The following SHISA6 variants were observed in gnomAD, a reference collection of about 807,000 sequenced individuals.
The protein encoded by SHISA6 is shisa family member 6.
A neutral mutation model predicts 47.9 loss-of-function variants in SHISA6; 22 were observed. That is an observed-to-expected ratio of 0.46 (90% CI 0.33 to 0.66). SHISA6 has a LOEUF of 0.66. Among genes scored for constraint, SHISA6 ranks in the 30% least tolerant of loss-of-function variants. The probability of loss-of-function intolerance (pLI) is 0.02; values close to 1 mark genes in which losing one functional copy is unlikely to be tolerated. For synonymous variants in SHISA6, 388 were observed against 337.8 expected, an observed-to-expected ratio of 1.15 and a Z score of -1.63; for missense variants, 680 against 764.6, an observed-to-expected ratio of 0.89 and a Z score of 1.30.
At chr17:11,300,149 C>CAAAAAAAAAAAAAAAA (rs56060137) in intron 2 of SHISA6, among the ~76,000 whole-genome samples, 6 of 129,148 alleles carry the variant, frequency 4.6e-5, no homozygotes, top group Non-Finnish European at 6.4e-5. Context: ...CATCTTAAAA[C>CAAAAAAAAAAAAAAAA]AAAAAAAAAA....
At chr17:11,514,380 G>A (rs1466179909) in intron 3 of SHISA6, among the ~76,000 whole-genome samples, 1 of 152,180 alleles carries the variant, frequency 6.6e-6, no homozygotes, top group African/African-American at 2.4e-5. Flanking sequence ...GTTGGTGCCC[G>A]AGATAGCATG....
intron 3 of SHISA6, among the ~76,000 whole-genome samples, chr17:11,417,530 C>T (rs1406090910): frequency 6.6e-6 from 1 of 152,190 alleles, no homozygotes; most frequent in Non-Finnish European, 1.5e-5. Flanking sequence ...CAGCGCTGGC[C>T]TTTTGGAGAT....
At chr17:11,489,140 G>A (rs143982743) in intron 3 of SHISA6, among the ~76,000 whole-genome samples, 3 of 152,170 alleles carry the variant, frequency 2.0e-5, no homozygotes, top group African/African-American at 7.2e-5. Context: ...CTGGGTTACA[G>A]AGCCCTTATT....
intron 2 of SHISA6, among the ~76,000 whole-genome samples, chr17:11,316,510 T>C (rs2142192111): frequency 6.8e-6 from 1 of 147,840 alleles, no homozygotes; most frequent in East Asian, 2.1e-4. Flanking sequence ...AACCTCTACC[T>C]CCTGGGTTCA....
chr17:11,533,900 T>C (rs1189242509), intron 3 of SHISA6, among the ~76,000 whole-genome samples: 1 of 152,070 alleles, frequency 6.6e-6, no homozygotes, highest in Non-Finnish European at 1.5e-5. Flanking sequence ...CTCATTATTC[T>C]TACTCTATTA....
At chr17:11,530,147 ATCTTCC>A (rs2071719929) in intron 3 of SHISA6, among the ~76,000 whole-genome samples, 1 of 152,178 alleles carries the variant, frequency 6.6e-6, no homozygotes, top group Non-Finnish European at 1.5e-5. Flanking sequence ...GATTCTAGTA[ATCTTCC>A]TTAGGGAAAA....
chr17:11,558,612 G>A lies in SHISA6; in HGVS notation c.*308G>A, dbSNP rs188446410. On this transcript the variant is annotated 3_prime_UTR_variant, in exon 6 of 6. Transcript: ENST00000441885. Reference sequence around the variant, plus strand: ...CCTTCACCAACTCCCTTTCCGTCCCGCGCCTCCTTCTCCCCATCCGGGGGA... The same window carrying A: ...CCTTCACCAACTCCCTTTCCGTCCCACGCCTCCTTCTCCCCATCCGGGGGA... 30 of 410,114 alleles carry A rather than the reference G, an allele frequency of 7.3e-5. No homozygotes were observed. Among genetic ancestry groups the A allele is most frequent in the Admixed American group, 6.5e-4 (16 of 24,796 alleles). The allele number at this position is 410,114 out of a possible 1,614,324, so 25.4% of individuals were successfully genotyped here.
At chr17:11,503,502 A>G (rs556424103) in intron 3 of SHISA6, among the ~76,000 whole-genome samples, 13 of 152,146 alleles carry the variant, frequency 8.5e-5, no homozygotes, top group African/African-American at 2.9e-4. Flanking sequence ...ATGCTGTCCC[A>G]TTGTCCATAC....
rs1297048644 is a variant in SHISA6 at position 11,530,064 on chromosome 17, T to C, written c.896-21832T>C. ...TCAGGGTGAGGGGAAATGGGCACAG[T>C]ACTGTCAATCGGAATCAGAATTCTA... is the stretch of plus-strand genomic sequence containing the variant. On this transcript the variant is annotated intron_variant, in intron 3 of 5. Transcript: ENST00000441885. Among the ~76,000 whole-genome samples the C allele has an allele frequency of 2.0e-5, 3 of 152,112 alleles. No individual in the cohort carries two copies. In the East Asian group the frequency reaches 5.8e-4, roughly 29 times the overall value.
intron 1 of SHISA6, among the ~76,000 whole-genome samples, chr17:11,255,118 T>C (rs1468877017): frequency 6.6e-6 from 1 of 152,208 alleles, no homozygotes. Context: ...TACACCTGTA[T>C]TCTAGTGCCC....
chr17:11,368,945 G>T (rs564087638), intron 2 of SHISA6, among the ~76,000 whole-genome samples: 1 of 152,144 alleles, frequency 6.6e-6, no homozygotes, highest in Non-Finnish European at 1.5e-5. Flanking sequence ...ATGGGCCACC[G>T]AACCCGGCCG....
At chr17:11,399,175 G>C (rs1913680309) in intron 3 of SHISA6, among the ~76,000 whole-genome samples, 1 of 152,186 alleles carries the variant, frequency 6.6e-6, no homozygotes, top group African/African-American at 2.4e-5. Flanking sequence ...ACAACAGAAA[G>C]ATAGAGTAGG....
At chr17:11,441,287 G>A (rs921224421) in intron 3 of SHISA6, among the ~76,000 whole-genome samples, 4 of 152,194 alleles carry the variant, frequency 2.6e-5, no homozygotes, top group African/African-American at 4.8e-5. Context: ...CAATGGGAAG[G>A]TTTGAAAATA....
At chr17:11,542,377 C>T (rs1368288597) in intron 3 of SHISA6, among the ~76,000 whole-genome samples, 1 of 147,404 alleles carries the variant, frequency 6.8e-6, no homozygotes, top group Non-Finnish European at 1.5e-5. Flanking sequence ...CTACATACAG[C>T]AAAAATAATC....
intron 3 of SHISA6, among the ~76,000 whole-genome samples, chr17:11,468,694 T>C (rs1161219385): frequency 6.6e-6 from 1 of 152,172 alleles, no homozygotes; most frequent in African/African-American, 2.4e-5. Context: ...TGGATGATCC[T>C]GGGTGCAACG....
intron 2 of SHISA6, among the ~76,000 whole-genome samples, chr17:11,291,016 A>G (rs1909518646): frequency 6.6e-6 from 1 of 151,238 alleles, no homozygotes; most frequent in Non-Finnish European, 1.5e-5. Context: ...ATAATTTATT[A>G]ATAATTCAAT....
At chr17:11,475,041 T>G (rs1916021017) in intron 3 of SHISA6, among the ~76,000 whole-genome samples, 1 of 152,196 alleles carries the variant, frequency 6.6e-6, no homozygotes. Flanking sequence ...ATCACTCAGA[T>G]AAATCTTACA....
At chr17:11,470,880 G>A (rs921121774) in intron 3 of SHISA6, among the ~76,000 whole-genome samples, 3 of 152,152 alleles carry the variant, frequency 2.0e-5, no homozygotes, top group Non-Finnish European at 4.4e-5. Flanking sequence ...CCCAGGGTCT[G>A]ACAGTGATGG....
chr17:11,376,361 G>T (rs1368848207), intron 2 of SHISA6, among the ~76,000 whole-genome samples: 2 of 149,770 alleles, frequency 1.3e-5, no homozygotes, highest in Non-Finnish European at 3.0e-5. Flanking sequence ...TCTGTTGCCC[G>T]GCCTGGAGTA....
Sources: allele counts gnomAD v4.1 joint callset (sites outside exome capture counted in the v4.1 genomes callset), GRCh38; gene constraint gnomAD v4.1.1; transcripts MANE v1.5; gene names NCBI Gene and HGNC (gene_info 2026-07-23, HGNC 2026-07-21).